The following RGS6 variants were observed in gnomAD, a reference collection of about 807,000 sequenced individuals.
The protein encoded by RGS6 is regulator of G-protein signaling 6.
RGS6 carries 30 observed loss-of-function variants against 78.5 expected under a neutral mutation model. The ratio of observed to expected loss-of-function variants is 0.38; its 90% CI spans 0.29 to 0.52. The LOEUF is 0.52. Among genes scored for constraint, RGS6 ranks in the 20% least tolerant of loss-of-function variants. The pLI is 0.85. For synonymous variants in RGS6, 206 were observed against 206.0 expected, an observed-to-expected ratio of 1.00 and a Z score of 0.00; for missense variants, 495 against 609.7, an observed-to-expected ratio of 0.81 and a Z score of 1.98.
intron 3 of RGS6, among the ~76,000 whole-genome samples, chr14:72,452,694 T>G (rs2095526897): frequency 6.6e-6 from 1 of 152,194 alleles, no homozygotes; most frequent in Non-Finnish European, 1.5e-5. Flanking sequence ...GACTCTGATA[T>G]CTAAAATGTC....
intron 2 of RGS6, among the ~76,000 whole-genome samples, chr14:72,230,839 C>A: frequency 1.3e-5 from 2 of 152,278 alleles, no homozygotes; most frequent in South Asian, 4.2e-4. Context: ...CTGCTAACCA[C>A]ATCAATCAAA....
chr14:72,390,315 C>G (rs2089623363), intron 3 of RGS6, among the ~76,000 whole-genome samples: 1 of 151,934 alleles, frequency 6.6e-6, no homozygotes, highest in African/African-American at 2.4e-5. Flanking sequence ...CCAGGCTGGT[C>G]TTGAACTCCT....
intron 3 of RGS6, among the ~76,000 whole-genome samples, chr14:72,360,019 G>A (rs1371776725): frequency 3.3e-5 from 5 of 152,004 alleles, no homozygotes; most frequent in Admixed American, 6.6e-5. Flanking sequence ...AGAGGGGTAC[G>A]TTAGGTCAGA....
At chr14:72,075,634 G>A (rs77497321) in intron 2 of RGS6, among the ~76,000 whole-genome samples, 22,275 of 152,088 alleles carry the variant, frequency 0.15, 1,727 homozygotes, top group Admixed American at 0.21. Context: ...AATCACTCTT[G>A]TTAACATCTT....
the RGS6 span, among the ~76,000 whole-genome samples, chr14:72,599,565 C>T: frequency 1.1e-3 from 167 of 145,816 alleles, no homozygotes; most frequent in East Asian, 7.7e-3. Flanking sequence ...CCTGCCACCA[C>T]GCCTGGCTAA....
chr14:72,186,810 C>T (rs79083051), intron 2 of RGS6, among the ~76,000 whole-genome samples: 2,081 of 152,188 alleles, frequency 0.014, 30 homozygotes, highest in Non-Finnish European at 0.02. Context: ...ATACATGTGT[C>T]CCAGCTTAAA....
At chr14:72,149,432 A>G (rs1057238178) in intron 2 of RGS6, among the ~76,000 whole-genome samples, 3 of 152,190 alleles carry the variant, frequency 2.0e-5, no homozygotes, top group African/African-American at 7.2e-5. Context: ...ATCAGTTATC[A>G]TTCCAGCTGG....
intron 3 of RGS6, among the ~76,000 whole-genome samples, chr14:72,354,201 A>G (rs1004930780): frequency 6.6e-6 from 1 of 152,146 alleles, no homozygotes; most frequent in Non-Finnish European, 1.5e-5. Context: ...GCTTATAAAG[A>G]ACAGAAATTC....
At chr14:71,991,822 A>G (rs1301449941) in intron 2 of RGS6, among the ~76,000 whole-genome samples, 1 of 152,236 alleles carries the variant, frequency 6.6e-6, no homozygotes, top group Non-Finnish European at 1.5e-5. Flanking sequence ...AAAGGGCCAC[A>G]TAGTAACTAT....
At chr14:72,457,476 T>C (rs1160342259) in intron 4 of RGS6, among the ~76,000 whole-genome samples, 1 of 152,198 alleles carries the variant, frequency 6.6e-6, no homozygotes, top group Non-Finnish European at 1.5e-5. Context: ...CTTTTTTTTT[T>C]TTAATTGAGA....
intron 2 of RGS6, among the ~76,000 whole-genome samples, chr14:72,023,511 C>G (rs1302481417): frequency 6.6e-6 from 1 of 152,050 alleles, no homozygotes; most frequent in Non-Finnish European, 1.5e-5. Context: ...AATGTTTGCT[C>G]AAAATGTCAA....
At chr14:71,932,359 G>A (rs1410424641), upstream of RGS6, 1 of 151,124 alleles carries the variant, frequency 6.6e-6, no homozygotes, top group Non-Finnish European at 1.5e-5. Flanking sequence ...GGTGCGCGGG[G>A]CACGGGGCTG....
chr14:72,342,725 CAAAA>C (rs58717636), intron 2 of RGS6, among the ~76,000 whole-genome samples: 3 of 71,406 alleles, frequency 4.2e-5, no homozygotes, highest in African/African-American at 5.9e-5. Context: ...GGCTTTGTCT[CAAAA>C]AAAAAAAAAA....
chr14:72,546,133 G>A (rs949495257), intron 17 of RGS6, among the ~76,000 whole-genome samples: 1 of 152,196 alleles, frequency 6.6e-6, no homozygotes, highest in Non-Finnish European at 1.5e-5. Context: ...TCCTCTTTTA[G>A]CGATGGGAAA....
At chr14:72,238,031 G>T (rs776449639) in intron 2 of RGS6, among the ~76,000 whole-genome samples, 9 of 152,120 alleles carry the variant, frequency 5.9e-5, no homozygotes, top group Non-Finnish European at 1.2e-4. Flanking sequence ...TCAAAATATG[G>T]AGATTTTATT....
intron 2 of RGS6, among the ~76,000 whole-genome samples, chr14:72,076,952 T>TTATA (rs10642376): frequency 0.013 from 1,941 of 145,470 alleles, 36 homozygotes; most frequent in African/African-American, 0.042. Context: ...CAGCCAAATT[T>TTATA]TATATATATA....
intron 2 of RGS6, among the ~76,000 whole-genome samples, chr14:72,018,872 T>G (rs2087696835): frequency 6.6e-6 from 1 of 152,222 alleles, no homozygotes; most frequent in Non-Finnish European, 1.5e-5. Context: ...ACCTGGTAAT[T>G]TCTTCTTTCT....
At chr14:72,256,152 G>T (rs559625228) in intron 2 of RGS6, among the ~76,000 whole-genome samples, 3 of 152,148 alleles carry the variant, frequency 2.0e-5, no homozygotes, top group African/African-American at 7.2e-5. Context: ...CAAATCCACT[G>T]CCCCAAGAGC....
intron 2 of RGS6, among the ~76,000 whole-genome samples, chr14:71,968,932 C>CA (rs1472482267): frequency 2.6e-5 from 4 of 152,144 alleles, no homozygotes; most frequent in African/African-American, 9.7e-5. Flanking sequence ...CCCATTAACT[C>CA]TCATTTACAT....
Sources: allele counts gnomAD v4.1 joint callset (sites outside exome capture counted in the v4.1 genomes callset), GRCh38; gene constraint gnomAD v4.1.1; transcripts MANE v1.5; gene names NCBI Gene and HGNC (gene_info 2026-07-23, HGNC 2026-07-21).